The following GPC6 variants were observed in gnomAD, a reference collection of about 807,000 sequenced individuals.
The protein encoded by GPC6 is glypican-6.
In GPC6, 14 loss-of-function variants were observed where a neutral mutation model predicts 55.2. The ratio of observed to expected loss-of-function variants is 0.25; its 90% CI spans 0.17 to 0.40. The LOEUF (loss-of-function observed/expected upper bound fraction) is 0.40. Among genes scored for constraint, GPC6 ranks in the 10% least tolerant of loss-of-function variants. GPC6 has a pLI of 1.00. For synonymous variants in GPC6, 278 were observed against 259.6 expected (o/e 1.07, Z -0.68); for missense variants, 641 against 708.5 (o/e 0.90, Z 1.08).
At chr13:93,286,487 G>C (rs1255069618) in intron 1 of GPC6, among the ~76,000 whole-genome samples, 2 of 152,196 alleles carry the variant, frequency 1.3e-5, no homozygotes, top group Admixed American at 6.5e-5. Context: ...CTGGTATTCA[G>C]ATGCTGTTAA....
intron 4 of GPC6, among the ~76,000 whole-genome samples, chr13:94,182,583 T>A (rs1889034915): frequency 6.6e-6 from 1 of 152,222 alleles, no homozygotes; most frequent in African/African-American, 2.4e-5. Flanking sequence ...AGTAGGCCAC[T>A]GCTGTGTAAT....
At chr13:93,637,013 A>C (rs1879729735) in intron 2 of GPC6, among the ~76,000 whole-genome samples, 1 of 151,992 alleles carries the variant, frequency 6.6e-6, no homozygotes, top group South Asian at 2.1e-4. Context: ...CTTAAAGAAA[A>C]CTAAAGGAGT....
At chr13:93,482,540 G>A (rs779260406) in intron 1 of GPC6, among the ~76,000 whole-genome samples, 4 of 152,022 alleles carry the variant, frequency 2.6e-5, no homozygotes, top group Non-Finnish European at 4.4e-5. Context: ...CAAATCAAAA[G>A]TAACCTATCA....
intron 1 of GPC6, among the ~76,000 whole-genome samples, chr13:93,381,930 CT>C (rs1875191974): frequency 6.6e-6 from 1 of 152,002 alleles, no homozygotes; most frequent in South Asian, 2.1e-4. Flanking sequence ...AAGTATGTTA[CT>C]TTTTAAGATT....
chr13:93,330,702 C>T (rs1879814116), intron 1 of GPC6, among the ~76,000 whole-genome samples: 1 of 152,156 alleles, frequency 6.6e-6, no homozygotes, highest in Non-Finnish European at 1.5e-5. Context: ...GATCTCGATT[C>T]TATTGCCTTC....
intron 2 of GPC6, among the ~76,000 whole-genome samples, chr13:93,597,090 G>A (rs1321936320): frequency 6.6e-6 from 1 of 151,598 alleles, no homozygotes; most frequent in African/African-American, 2.4e-5. Flanking sequence ...CCCTCTTATG[G>A]TTCTATCTAG....
chr13:93,223,960 C>T (rs1440266900), upstream of GPC6, among the ~76,000 whole-genome samples: 1 of 131,352 alleles, frequency 7.6e-6, no homozygotes, highest in Non-Finnish European at 1.5e-5. Flanking sequence ...GGTGCAGTGG[C>T]GGGATCTCGG....
intron 6 of GPC6, among the ~76,000 whole-genome samples, chr13:94,331,799 T>C (rs1441692321): frequency 6.6e-6 from 1 of 152,196 alleles, no homozygotes; most frequent in Non-Finnish European, 1.5e-5. Context: ...GTGAATTAAT[T>C]TGGGTACCAG....
At chr13:93,404,973 C>A (rs1177797449) in intron 1 of GPC6, among the ~76,000 whole-genome samples, 1 of 152,084 alleles carries the variant, frequency 6.6e-6, no homozygotes, top group Admixed American at 6.5e-5. Context: ...ATGGGAATTT[C>A]TTTAATGAAA....
chr13:94,384,633 A>T (rs889666128), intron 7 of GPC6, among the ~76,000 whole-genome samples: 4 of 152,234 alleles, frequency 2.6e-5, no homozygotes, highest in African/African-American at 9.6e-5. Flanking sequence ...AAGACCACTG[A>T]AGTTAGAGCT....
intron 4 of GPC6, among the ~76,000 whole-genome samples, chr13:94,106,483 A>G (rs1421785925): frequency 6.6e-6 from 1 of 152,088 alleles, no homozygotes; most frequent in African/African-American, 2.4e-5. Flanking sequence ...AATCAAAGAG[A>G]CTTGACCCTG....
rs115681819 is a variant in GPC6, at chr13:93,677,986, G to A, written c.319+132565G>A. Among the ~76,000 whole-genome samples, 1,212 of 152,044 alleles carry A rather than the reference G, an allele frequency of 8.0e-3. 23 individuals carry two copies. Among genetic ancestry groups the A allele is most frequent in the African/African-American group, 0.028 (1,158 of 41,456 alleles). On this transcript the variant is annotated intron_variant, in intron 2 of 8. Coordinates refer to ENST00000377047, the MANE Select transcript of GPC6 (RefSeq NM_005708.5). ...GGATTAAAAAATTTAAATACTAAAAGGTATAAAGAGAAACATCTTTCCCAC... is the reference window on the plus strand; with the variant it reads ...GGATTAAAAAATTTAAATACTAAAAAGTATAAAGAGAAACATCTTTCCCAC...
intron 2 of GPC6, among the ~76,000 whole-genome samples, chr13:93,753,133 C>A (rs1003659720): frequency 2.6e-5 from 4 of 152,138 alleles, no homozygotes; most frequent in Non-Finnish European, 5.9e-5. Flanking sequence ...ATTCCTTGCC[C>A]CCAGCTTCCT....
chr13:94,372,684 T>A (rs534418925), intron 6 of GPC6, among the ~76,000 whole-genome samples: 25 of 150,026 alleles, frequency 1.7e-4, no homozygotes, highest in Non-Finnish European at 2.8e-4. Context: ...CAAAGCAGCC[T>A]GGAAGCTCGA....
intron 3 of GPC6, among the ~76,000 whole-genome samples, chr13:93,909,472 A>G (rs906611038): frequency 1.3e-5 from 2 of 152,196 alleles, no homozygotes; most frequent in Non-Finnish European, 2.9e-5. Flanking sequence ...TAACTATCAA[A>G]AAAAAAGAAA....
intron 6 of GPC6, among the ~76,000 whole-genome samples, chr13:94,344,288 T>C (rs1343169078): frequency 2.0e-5 from 3 of 152,198 alleles, no homozygotes; most frequent in Non-Finnish European, 2.9e-5. Context: ...CCTTTAGAAA[T>C]GTAAAGAATG....
chr13:93,483,317 A>T (rs1310114486), intron 1 of GPC6, among the ~76,000 whole-genome samples: 1 of 152,156 alleles, frequency 6.6e-6, no homozygotes, highest in Non-Finnish European at 1.5e-5. Context: ...TAGTTAACTG[A>T]TATGATTACT....
At chr13:93,615,674 C>T (rs532280972) in intron 2 of GPC6, among the ~76,000 whole-genome samples, 2 of 152,194 alleles carry the variant, frequency 1.3e-5, no homozygotes, top group South Asian at 4.1e-4. Flanking sequence ...GAATAAGGAC[C>T]TCAATCTACC....
chr13:93,645,967 C>T (rs960387387), intron 2 of GPC6, among the ~76,000 whole-genome samples: 59 of 152,046 alleles, frequency 3.9e-4, no homozygotes, highest in Non-Finnish European at 4.4e-5. Flanking sequence ...AAAGAAAAGG[C>T]GCTCGACAGT....
Sources: gnomAD v4.1 joint callset for allele counts (sites outside exome capture counted in the v4.1 genomes callset) on GRCh38, gnomAD v4.1.1 for gene constraint, MANE v1.5 for transcripts, NCBI Gene and HGNC (gene_info 2026-07-23, HGNC 2026-07-21) for gene names.